Variants in BRINP3 observed in about 807,000 individuals in gnomAD.
The protein encoded by BRINP3 is BMP/retinoic acid-inducible neural-specific protein 3.
A neutral mutation model predicts 71.0 loss-of-function variants in BRINP3; 19 were observed. The ratio of observed to expected loss-of-function variants is 0.27; its 90% CI spans 0.19 to 0.39. The LOEUF (loss-of-function observed/expected upper bound fraction) is 0.39, where lower values mean the gene tolerates loss of function less well. BRINP3 is among the 10% of genes least tolerant of loss of function. The pLI is 1.00. For synonymous variants in BRINP3, 380 were observed against 337.7 expected, an observed-to-expected ratio of 1.13 and a Z score of -1.37; for missense variants, 959 against 940.8, an observed-to-expected ratio of 1.02 and a Z score of -0.25.
At chr1:190,238,107 CT>C (rs958596770) in intron 4 of BRINP3, among the ~76,000 whole-genome samples, 3 of 151,948 alleles carry the variant, frequency 2.0e-5, no homozygotes, top group African/African-American at 7.2e-5. Flanking sequence ...CATTTTGCCC[CT>C]GTTTACCTTA....
chr1:190,459,425 A>T, intron 1 of BRINP3, among the ~76,000 whole-genome samples: 1 of 151,982 alleles, frequency 6.6e-6, no homozygotes. Flanking sequence ...TGAAATTCAT[A>T]AATATTGAAA....
At chr1:190,354,188 A>C (rs1171119394) in intron 2 of BRINP3, among the ~76,000 whole-genome samples, 2 of 151,998 alleles carry the variant, frequency 1.3e-5, no homozygotes, top group Non-Finnish European at 2.9e-5. Flanking sequence ...ATCAAGTTAT[A>C]GTATTTTATT....
intron 6 of BRINP3, among the ~76,000 whole-genome samples, chr1:190,203,265 G>A (rs1200820212): frequency 6.6e-6 from 1 of 151,798 alleles, no homozygotes; most frequent in East Asian, 1.9e-4. Flanking sequence ...ATAATTCATT[G>A]AGAACAATCT....
intron 2 of BRINP3, among the ~76,000 whole-genome samples, chr1:190,325,483 G>T (rs1666519286): frequency 6.6e-6 from 1 of 151,988 alleles, no homozygotes; most frequent in South Asian, 2.1e-4. Context: ...AAATGTAGGA[G>T]AAGTCATCGG....
At chr1:190,393,232 T>C (rs1271112403) in intron 2 of BRINP3, among the ~76,000 whole-genome samples, 1 of 151,698 alleles carries the variant, frequency 6.6e-6, no homozygotes, top group Non-Finnish European at 1.5e-5. Context: ...CATATTCATG[T>C]ACATAGTGTC....
intron 6 of BRINP3, among the ~76,000 whole-genome samples, chr1:190,189,501 T>G (rs1653842263): frequency 6.6e-6 from 1 of 152,098 alleles, no homozygotes; most frequent in Admixed American, 6.5e-5. Flanking sequence ...AAAGTGTGAT[T>G]AAATTTACAA....
At chr1:190,298,560 T>C (rs1664427597) in intron 2 of BRINP3, among the ~76,000 whole-genome samples, 1 of 152,148 alleles carries the variant, frequency 6.6e-6, no homozygotes, top group Non-Finnish European at 1.5e-5. Context: ...TTTTAAAAAA[T>C]TGGTCTTGGG....
At chr1:190,154,808 A>T (rs536550048) in intron 7 of BRINP3, among the ~76,000 whole-genome samples, 1 of 152,252 alleles carries the variant, frequency 6.6e-6, no homozygotes, top group South Asian at 2.1e-4. Context: ...TTGCAGGCTG[A>T]GGTAGCCACG....
intron 7 of BRINP3, among the ~76,000 whole-genome samples, chr1:190,139,398 G>C (rs2102382189): frequency 7.5e-6 from 1 of 132,670 alleles, no homozygotes; most frequent in Non-Finnish European, 1.5e-5. Context: ...GTTGCAGTGA[G>C]ACAAGATCTC....
intron 2 of BRINP3, among the ~76,000 whole-genome samples, chr1:190,385,381 C>T (rs1670821813): frequency 6.6e-6 from 1 of 151,980 alleles, no homozygotes; most frequent in Non-Finnish European, 1.5e-5. Context: ...AACAAATTTA[C>T]AAGAAATAAA....
intron 2 of BRINP3, among the ~76,000 whole-genome samples, chr1:190,448,224 T>C (rs190890544): frequency 1.5e-3 from 228 of 151,770 alleles, no homozygotes; most frequent in African/African-American, 5.2e-3. Flanking sequence ...ATTCTTAATA[T>C]CTAGTTTTAA....
chr1:190,314,145 C>G (rs1665722909), intron 2 of BRINP3, among the ~76,000 whole-genome samples: 1 of 151,752 alleles, frequency 6.6e-6, no homozygotes, highest in South Asian at 2.1e-4. Flanking sequence ...CTTCATAGAC[C>G]TTGATGTCTA....
rs1657318113 is a variant in BRINP3, at chr1:190,225,838, T to A, written c.961+244A>T. Among the ~76,000 whole-genome samples the A allele has an allele frequency of 2.0e-5, 3 of 151,962 alleles. No individual in the cohort carries two copies. The Admixed American group carries it at 2.0e-4, about 10-fold the overall frequency. The stretch of plus-strand genomic sequence containing the variant: ...CTTGTACTGAGAAAAGCAAGAACTT[T>A]ATTTATTAAGTGACTAATACATCAA... On this transcript the variant is annotated intron_variant, in intron 6 of 7. Transcript: ENST00000367462.
chr1:190,250,669 A>G (rs1471884538), intron 4 of BRINP3, among the ~76,000 whole-genome samples: 1 of 152,010 alleles, frequency 6.6e-6, no homozygotes, highest in Non-Finnish European at 1.5e-5. Context: ...GCTCTGTAGT[A>G]TGGTTTAAGA....
intron 2 of BRINP3, among the ~76,000 whole-genome samples, chr1:190,372,129 A>G (rs1027191385): frequency 2.6e-5 from 4 of 152,252 alleles, no homozygotes; most frequent in East Asian, 1.9e-4. Flanking sequence ...AGGCTAAGAG[A>G]GGACACAACA....
chr1:190,270,825 T>A (rs903310298), intron 3 of BRINP3, among the ~76,000 whole-genome samples: 5 of 151,684 alleles, frequency 3.3e-5, no homozygotes, highest in African/African-American at 1.2e-4. Flanking sequence ...ATGATTACAC[T>A]TGGAAAATGC....
chr1:190,137,143 A>T (rs6703431), intron 7 of BRINP3, among the ~76,000 whole-genome samples: 1 of 151,986 alleles, frequency 6.6e-6, no homozygotes, highest in African/African-American at 2.4e-5. Flanking sequence ...CGAATAAAAC[A>T]TTCTGTTTTT....
chr1:190,202,382 G>C (rs751832910), intron 6 of BRINP3, among the ~76,000 whole-genome samples: 24 of 152,104 alleles, frequency 1.6e-4, no homozygotes, highest in Admixed American at 5.2e-4. Context: ...GATTTCACAG[G>C]ATCATAGGCA....
intron 5 of BRINP3, among the ~76,000 whole-genome samples, chr1:190,229,857 G>A (rs1042873846): frequency 6.6e-6 from 1 of 151,836 alleles, no homozygotes. Context: ...AATAAAATAT[G>A]ATGAACATAT....
Sources: gnomAD v4.1 joint callset for allele counts (sites outside exome capture counted in the v4.1 genomes callset) on GRCh38, gnomAD v4.1.1 for gene constraint, MANE v1.5 for transcripts, NCBI Gene and HGNC (gene_info 2026-07-23, HGNC 2026-07-21) for gene names.